DNAH2: variants seen among roughly 807,000 people sequenced by gnomAD.
The protein encoded by DNAH2 is axonemal beta dynein heavy chain 2.
A neutral mutation model predicts 523.5 loss-of-function variants in DNAH2; 323 were observed. The observed-to-expected ratio is 0.62, with a 90% CI of 0.56 to 0.68. DNAH2 has a LOEUF of 0.68. DNAH2 is among the 30% of genes least tolerant of loss of function. The pLI is 0.00. For synonymous variants in DNAH2, 2,093 were observed against 2,177.4 expected, an observed-to-expected ratio of 0.96 and a Z score of 1.08; for missense variants, 4,907 against 5,701.5, an observed-to-expected ratio of 0.86 and a Z score of 4.49.
intron 36 of DNAH2, 82 bp downstream of exon 36, chr17:7,779,505 C>A: frequency 7.1e-7 from 1 of 1,416,804 alleles, no homozygotes; most frequent in East Asian, 2.4e-5. Flanking sequence ...CCTCCTCTTC[C>A]CCCTTCCATG....
chr17:7,759,306 C>T (rs574971334), intron 15 of DNAH2, 116 bp from the exon 16 acceptor site: 158 of 1,432,454 alleles, frequency 1.1e-4, no homozygotes, highest in Non-Finnish European at 1.4e-4. Context: ...CAGGACTCAG[C>T]GTCCTGCGTT....
chr17:7,794,895 C>T (rs978607114), intron 49 of DNAH2, among the ~76,000 whole-genome samples: 4 of 151,944 alleles, frequency 2.6e-5, no homozygotes, highest in Admixed American at 6.6e-5. Context: ...GCTGGGACTA[C>T]AGGCGCCCGC....
Position 7,777,444 on chromosome 17 carries a change from A to C in DNAH2, c.5059-2A>C. The C allele has an allele frequency of 6.2e-7, 1 of 1,614,138 alleles. No individual in the cohort carries two copies. Among genetic ancestry groups the C allele is most frequent in the Non-Finnish European group, 8.5e-7 (1 of 1,180,006 alleles). Reference sequence around the variant, plus strand: ...TCTCTTCCCTGCTGCTTCATGCCACAGGTGTCAATCCTGAATAAGTATTCA... The same window carrying C: ...TCTCTTCCCTGCTGCTTCATGCCACCGGTGTCAATCCTGAATAAGTATTCA... On this transcript the variant is annotated splice_acceptor_variant, in intron 32 of 85. Coordinates refer to ENST00000572933, the MANE Select transcript of DNAH2 (RefSeq NM_020877.5). LOFTEE classifies it high-confidence loss of function.
At position 7,818,638 on chromosome 17, in the gene DNAH2, C is replaced by G; in HGVS notation, c.10537-5C>G. The G allele has an allele frequency of 1.2e-6, 2 of 1,613,814 alleles. No individual in the cohort carries two copies. The highest frequency in any genetic ancestry group is 1.7e-6 in the Non-Finnish European group (2 of 1,179,976). ...GCCCCTCACTGTGAGTCCTGATGCC[C>G]CCAGGGCCTGGAGGCCCAGCTGCTG... On this transcript the variant is annotated splice_polypyrimidine_tract_variant and splice_region_variant and intron_variant, in intron 69 of 85. Transcript: ENST00000572933.
rs1244527729 is a variant in DNAH2 at position 7,802,024 on chromosome 17, A to AG, written c.8972+13dup. On this transcript the variant is annotated splice_region_variant and intron_variant, in intron 58 of 85. Transcript: ENST00000572933. ...TCCTGTCTGGATATAAGAAGTATGA[A>AG]GGGGGGCAGGGGATGTGCAGGGCCA... The AG allele has an allele frequency of 6.2e-7, 1 of 1,613,910 alleles. No individual in the cohort carries two copies. Among genetic ancestry groups the AG allele is most frequent in the Non-Finnish European group, 8.5e-7 (1 of 1,179,908 alleles).
chr17:7,791,697 GGAA>G (rs2076901301), intron 44 of DNAH2, among the ~76,000 whole-genome samples: 1 of 152,194 alleles, frequency 6.6e-6, no homozygotes, highest in Non-Finnish European at 1.5e-5. Flanking sequence ...TTAGCAGTGA[GGAA>G]GCTCAGGGCA....
chr17:7,757,374 T>C (rs2075874150), intron 13 of DNAH2, 137 bp downstream of exon 13: 4 of 1,134,510 alleles, frequency 3.5e-6, no homozygotes, highest in South Asian at 1.6e-5. Context: ...AAAAAAATTG[T>C]CTCCCACTCT....
intron 29 of DNAH2, 42 bp from the exon 30 acceptor site, chr17:7,775,199 G>C (rs1670334140): frequency 6.3e-7 from 1 of 1,591,474 alleles, no homozygotes; most frequent in African/African-American, 1.3e-5. Flanking sequence ...CGGACACCAA[G>C]GGTGGGCAGG....
rs3744254 is a variant in DNAH2, at chr17:7,734,664, T to A, written c.934T>A (p.Ser312Thr). The A allele has an allele frequency of 4.8e-4, 780 of 1,612,996 alleles. 2 individuals carry two copies. In the East Asian group the frequency reaches 0.013, roughly 26 times the overall value. ...TGAATCCATCCTGCACCTTGCCAAG[T>A]CGTCCTACTTGGCGCCCTTTATGAA... ...HVESILHLAK[S>T]SYLAPFMKLA... Residue 312 changes from serine to threonine, a missense_variant, in exon 7 of 86, where the codon TCG (serine) becomes ACG (threonine). This residue lies in a region of DNAH2 where 2,806 missense variants were observed against 3,190.8 expected (regional missense o/e 0.88). Transcript: ENST00000572933.
At chr17:7,752,446 C>T (rs1018928203) in intron 12 of DNAH2, among the ~76,000 whole-genome samples, 2 of 152,130 alleles carry the variant, frequency 1.3e-5, no homozygotes, top group Non-Finnish European at 2.9e-5. Context: ...CGCGGTGGCT[C>T]ACGCCTGTAA....
chr17:7,793,176 C>G lies in DNAH2; in HGVS notation c.7540C>G (p.Arg2514Gly). 6.2e-7 allele frequency: 1 copy of G among 1,614,170 alleles called. No individual in the cohort carries two copies. The highest frequency in any genetic ancestry group is 8.5e-7 in the Non-Finnish European group (1 of 1,180,016). The change falls in exon 48 of 86, where the codon CGT (arginine) becomes GGT (glycine). Residue 2514 changes from arginine (R) to glycine (G), a missense_variant. Coordinates refer to ENST00000572933, the MANE Select transcript of DNAH2 (RefSeq NM_020877.5). ...LWIDYGFWYD[R>G]TKQTIKYIRE... ...GATTGACTATGGCTTCTGGTATGAC[C>G]GTACGAAGCAGACCATCAAGTACAT... is the stretch of plus-strand genomic sequence containing the variant.
At chr17:7,804,133 G>A in intron 58 of DNAH2, 123 bp from the exon 59 acceptor site, 1 of 932,162 alleles carries the variant, frequency 1.1e-6, no homozygotes, top group Non-Finnish European at 1.6e-6. Flanking sequence ...GGATGGTGGG[G>A]GTAGTGTTGG....
At chr17:7,720,652 T>C (rs2074573842) in intron 2 of DNAH2, among the ~76,000 whole-genome samples, 1 of 152,036 alleles carries the variant, frequency 6.6e-6, no homozygotes, top group South Asian at 2.1e-4. Flanking sequence ...CTGGAGCTCC[T>C]TTACACTGAT....
intron 4 of DNAH2, among the ~76,000 whole-genome samples, chr17:7,729,664 A>G (rs1597464448): frequency 6.6e-6 from 1 of 152,304 alleles, no homozygotes; most frequent in East Asian, 1.9e-4. Flanking sequence ...TCCCAACCTC[A>G]GGTGATCCAC....
chr17:7,722,192 G>GC (rs141189058), intron 2 of DNAH2, among the ~76,000 whole-genome samples: 9,096 of 104,756 alleles, frequency 0.087, 579 homozygotes, highest in Admixed American at 0.23. Context: ...AGAGACGGGG[G>GC]GGGGGGTTCA....
chr17:7,737,245 C>T lies in DNAH2; in HGVS notation c.1157C>T (p.Ser386Leu), dbSNP rs757718778. 89 of 1,613,840 alleles carry T rather than the reference C, an allele frequency of 5.5e-5. No homozygotes were observed. The highest frequency in any genetic ancestry group is 6.7e-5 in the Non-Finnish European group (79 of 1,179,924). ...PHYNTRERLT[S>L]LFRKVCDCQY... ...TACAACACTCGGGAGAGACTGACCT[C>T]GCTCTTCCGAAAGGTGTGCATATGC... The change falls in exon 8 of 86, where the codon TCG (serine) becomes TTG (leucine). Residue 386 changes from serine to leucine, a missense_variant. Physicochemically the swap from Ser to Leu is moderately radical, Grantham distance 145. Around this residue, in one of 3 missense-constraint regions of DNAH2, gnomAD observed 2,806 missense variants for 3,190.8 expected, o/e 0.88. Transcript: ENST00000572933.
intron 63 of DNAH2, 40 bp from the exon 64 acceptor site, chr17:7,816,531 G>C: frequency 6.2e-7 from 1 of 1,608,972 alleles, no homozygotes; most frequent in Non-Finnish European, 8.5e-7. Flanking sequence ...ATCTGGCTGC[G>C]AGCCCTGTGT....
rs200296853 is a variant in DNAH2, at chr17:7,797,720, G to A, written c.8121G>A (p.Thr2707=). The change falls in exon 53 of 86, where the codon ACG becomes ACA. Residue 2707 remains threonine, a synonymous_variant. Coordinates refer to ENST00000572933, the MANE Select transcript of DNAH2 (RefSeq NM_020877.5). ...AGCCCAAGGTGTATGAAGACCTCAC[G>A]GATCTGACAGTGCTGAAGACAGTCA... ...LKEPKVYEDL[T]DLTVLKTVME... is the part of the protein sequence containing the mutation. The A allele has an allele frequency of 1.7e-4, 280 of 1,614,134 alleles. No homozygotes were observed. Among genetic ancestry groups the A allele is most frequent in the South Asian group, 8.5e-4 (77 of 91,086 alleles).
chr17:7,800,397 C>T (rs547300668), intron 56 of DNAH2, among the ~76,000 whole-genome samples: 2 of 152,190 alleles, frequency 1.3e-5, no homozygotes, highest in African/African-American at 4.8e-5. Context: ...GCGTATTGTC[C>T]TCAAGGTTCA....
Sources: allele counts gnomAD v4.1 joint callset (sites outside exome capture counted in the v4.1 genomes callset), GRCh38; gene constraint gnomAD v4.1.1; regional missense constraint gnomAD v4.1.1; transcripts MANE v1.5; gene names NCBI Gene and HGNC (gene_info 2026-07-23, HGNC 2026-07-21).